Variants in DMD observed in about 807,000 individuals in gnomAD.
DMD encodes dystrophin.
DMD carries 63 observed loss-of-function variants against 330.1 expected under a neutral mutation model. The observed-to-expected ratio is 0.19, with a 90% confidence interval of 0.16 to 0.24. The LOEUF is 0.24. Among genes scored for constraint, DMD ranks in the 10% least tolerant of loss-of-function variants. The probability of loss-of-function intolerance (pLI) is 1.00; values close to 1 mark genes in which losing one functional copy is unlikely to be tolerated. For synonymous variants in DMD, 1,223 were observed against 959.8 expected, an observed-to-expected ratio of 1.27 and a Z score of -5.07; for missense variants, 3,344 against 2,684.1, an observed-to-expected ratio of 1.25 and a Z score of -5.43.
At chrX:32,144,141 T>C (rs1194619766) in intron 44 of DMD, among the ~76,000 whole-genome samples, 1 of 111,982 alleles carries the variant, frequency 8.9e-6, no homozygotes, top group Non-Finnish European at 1.9e-5. Flanking sequence ...GACACAATTA[T>C]AGAAGATGCC....
At chrX:32,505,467 T>C (rs1335895873) in intron 18 of DMD, among the ~76,000 whole-genome samples, 1 of 111,931 alleles carries the variant, frequency 8.9e-6, no homozygotes, top group Non-Finnish European at 1.9e-5. Context: ...GAGATACCAC[T>C]ACACACCTAT....
chrX:32,372,726 G>T (rs138808184), intron 34 of DMD, among the ~76,000 whole-genome samples: 1 of 110,655 alleles, frequency 9.0e-6, no homozygotes, highest in Non-Finnish European at 1.9e-5. Context: ...ACAGTGAAAG[G>T]GCTATGTCGC....
intron 44 of DMD, among the ~76,000 whole-genome samples, chrX:32,038,575 G>T (rs1569535374): frequency 9.0e-6 from 1 of 110,900 alleles, no homozygotes; most frequent in Non-Finnish European, 1.9e-5. Context: ...CAGGGACCTT[G>T]TTGGTCAGAC....
intron 60 of DMD, among the ~76,000 whole-genome samples, chrX:31,415,173 C>T (rs1396176421): frequency 8.9e-6 from 1 of 112,256 alleles, no homozygotes; most frequent in African/African-American, 3.2e-5. Context: ...AAGTTATTCT[C>T]CAGTGAGTAA....
chrX:32,183,553 AATAT>A (rs988760643), intron 44 of DMD, among the ~76,000 whole-genome samples: 7 of 83,984 alleles, frequency 8.3e-5, no homozygotes, highest in African/African-American at 2.7e-4. Flanking sequence ...CAGCTACACA[AATAT>A]ATATATATAT....
At chrX:32,253,524 C>G (rs969275248) in intron 43 of DMD, among the ~76,000 whole-genome samples, 15 of 111,114 alleles carry the variant, frequency 1.3e-4, no homozygotes, top group African/African-American at 4.6e-4. Flanking sequence ...TTTATATTGT[C>G]AGCCCTTTGT....
intron 15 of DMD, among the ~76,000 whole-genome samples, chrX:32,571,326 G>C (rs188073583): frequency 1.5e-4 from 17 of 111,879 alleles, no homozygotes; most frequent in African/African-American, 5.5e-4. Context: ...CATTCCTCTA[G>C]ATATGATAGA....
chrX:32,077,880 A>G (rs2096364876), intron 44 of DMD, among the ~76,000 whole-genome samples: 1 of 110,926 alleles, frequency 9.0e-6, no homozygotes, highest in Non-Finnish European at 1.9e-5. Flanking sequence ...TGTATCTTTC[A>G]TATTGCCACA....
intron 7 of DMD, among the ~76,000 whole-genome samples, chrX:32,732,829 T>C (rs1408925227): frequency 1.4e-4 from 15 of 109,873 alleles, no homozygotes; most frequent in Non-Finnish European, 2.8e-4. Context: ...TAAAGACCAT[T>C]GAGACTAGGA....
chrX:32,359,616 C>G (rs2097823276), intron 37 of DMD, among the ~76,000 whole-genome samples: 1 of 111,478 alleles, frequency 9.0e-6, no homozygotes, highest in Admixed American at 9.6e-5. Flanking sequence ...CTTCCCTACT[C>G]CAGAGCAAAC....
At chrX:32,921,704 T>C (rs1439534410) in intron 2 of DMD, among the ~76,000 whole-genome samples, 5 of 111,892 alleles carry the variant, frequency 4.5e-5, no homozygotes, top group African/African-American at 1.3e-4. Flanking sequence ...TGTTTACCTC[T>C]ATGAATTTTG....
At chrX:32,320,057 C>A (rs1227665154) in intron 41 of DMD, among the ~76,000 whole-genome samples, 1 of 110,778 alleles carries the variant, frequency 9.0e-6, no homozygotes, top group Non-Finnish European at 1.9e-5. Context: ...AAAAGTAACA[C>A]AAGAAAAAAT....
chrX:32,660,083 T>C (rs2060846518), intron 9 of DMD, among the ~76,000 whole-genome samples: 1 of 111,443 alleles, frequency 9.0e-6, no homozygotes, highest in Admixed American at 9.6e-5. Context: ...AGGGTCTGTA[T>C]CTCTGTGTCC....
chrX:31,721,710 CTCTCTCTCTATATA>C (rs1484038560), intron 52 of DMD, among the ~76,000 whole-genome samples: 11 of 54,712 alleles, frequency 2.0e-4, no homozygotes, highest in African/African-American at 3.1e-4. Flanking sequence ...CTCTCTCTCT[CTCTCTCTCTATATA>C]TATATATATA....
At chrX:31,926,521 C>CA (rs2094779339) in intron 47 of DMD, among the ~76,000 whole-genome samples, 1 of 109,652 alleles carries the variant, frequency 9.1e-6, no homozygotes, top group Admixed American at 9.8e-5. Flanking sequence ...ACTAAAAATA[C>CA]AAAAATTAGT....
intron 48 of DMD, among the ~76,000 whole-genome samples, chrX:31,838,319 T>C (rs763871142): frequency 4.9e-4 from 55 of 112,081 alleles, no homozygotes; most frequent in African/African-American, 1.7e-3. Flanking sequence ...AAAGAGCATA[T>C]CTTCAGCAAG....
At chrX:32,737,943 C>T (rs898327725) in intron 7 of DMD, among the ~76,000 whole-genome samples, 2 of 111,459 alleles carry the variant, frequency 1.8e-5, no homozygotes, top group Non-Finnish European at 3.8e-5. Flanking sequence ...TTTGATATAA[C>T]AGGAATTTTA....
intron 62 of DMD, among the ~76,000 whole-genome samples, chrX:31,271,515 T>C (rs1294057528): frequency 9.0e-6 from 1 of 111,233 alleles, no homozygotes; most frequent in East Asian, 2.8e-4. Context: ...CAGAGTGGCA[T>C]AGGAAAGGAC....
At chrX:32,820,265 C>A (rs1329855976) in intron 5 of DMD, among the ~76,000 whole-genome samples, 1 of 110,889 alleles carries the variant, frequency 9.0e-6, no homozygotes, top group East Asian at 2.9e-4. Flanking sequence ...CGGTGAAACC[C>A]CATCTCTACT....
Sources: gnomAD v4.1 joint callset for allele counts (sites outside exome capture counted in the v4.1 genomes callset) on GRCh38, gnomAD v4.1.1 for gene constraint, MANE v1.5 for transcripts, NCBI Gene and HGNC (gene_info 2026-07-23, HGNC 2026-07-21) for gene names.